Variants in CATSPER1 observed in about 807,000 individuals in gnomAD.
CATSPER1 encodes the protein cation channel sperm-associated protein 1.
A neutral mutation model predicts 72.7 loss-of-function variants in CATSPER1; 57 were observed. The observed-to-expected ratio is 0.78, with a 90% CI of 0.63 to 0.98. The LOEUF (loss-of-function observed/expected upper bound fraction) is 0.98. CATSPER1 is among the 50% of genes least tolerant of loss of function. The pLI is 0.00. For synonymous variants in CATSPER1, 363 were observed against 403.0 expected (o/e 0.90, Z 1.19); for missense variants, 910 against 1,033.9 (o/e 0.88, Z 1.64).
chr11:66,024,331 G>A (rs1045248278), intron 1 of CATSPER1, among the ~76,000 whole-genome samples: 4 of 146,460 alleles, frequency 2.7e-5, no homozygotes, highest in Non-Finnish European at 4.5e-5. Flanking sequence ...CGGCCGGAGT[G>A]CAGTGGCACG....
At chr11:66,016,943 G>C (rs915138993) in intron 11 of CATSPER1, 27 bp from the exon 12 acceptor site, 1 of 1,613,928 alleles carries the variant, frequency 6.2e-7, no homozygotes, top group African/African-American at 1.3e-5. Context: ...GGCACTGGTG[G>C]GTGAATGAGC....
chr11:66,022,718 C>T (rs985199165), intron 2 of CATSPER1, 131 bp downstream of exon 2: 38 of 834,604 alleles, frequency 4.6e-5, no homozygotes, highest in African/African-American at 1.5e-4. Context: ...CTGGGTAAGG[C>T]CATCTACTTC....
Position 66,017,117 on chromosome 11 carries a change from C to T in CATSPER1, c.2259G>A (p.Gln753=). 2 of 1,594,394 alleles carry T rather than the reference C, an allele frequency of 1.3e-6. No homozygotes were observed. The highest frequency in any genetic ancestry group is 1.7e-6 in the Non-Finnish European group (2 of 1,168,146). The stretch of plus-strand genomic sequence containing the variant: ...CGGCTGCCTGGGAGCGGAACTTCTG[C>T]TGCTCCTGCTCCACGCTTGCCACCA... ...LQLVASVEQE[Q]QKFRSQAAVI... The change falls in exon 11 of 12, where the codon CAG becomes CAA. Residue 753 remains glutamine, a synonymous_variant. Coordinates refer to ENST00000312106, the MANE Select transcript of CATSPER1 (RefSeq NM_053054.4).
intron 1 of CATSPER1, among the ~76,000 whole-genome samples, chr11:66,023,310 G>A (rs544376918): frequency 2.6e-5 from 4 of 152,052 alleles, no homozygotes; most frequent in Admixed American, 6.6e-5. Context: ...GGCTGGTCTC[G>A]AACTCCTGGC....
chr11:66,024,276 T>C (rs1287823874), intron 1 of CATSPER1, among the ~76,000 whole-genome samples: 1 of 132,574 alleles, frequency 7.5e-6, no homozygotes, highest in Non-Finnish European at 1.5e-5. Context: ...TATTTGTTTT[T>C]TTTTTTTTTT....
In CATSPER1 at chr11:66,025,879, G is replaced by A; in HGVS notation, c.501C>T (p.Pro167=). Residue 167 remains proline (P), a synonymous_variant, in exon 1 of 12, where the codon CCC becomes CCT. Transcript: ENST00000312106. Reference sequence around the variant, plus strand: ...CATGGTGGGAAGCCTCACCGTGGTGGGGCACGCCAGAGGAATAGTGGGATA... The same window carrying A: ...CATGGTGGGAAGCCTCACCGTGGTGAGGCACGCCAGAGGAATAGTGGGATA... ...ENLSHYSSGV[P]HHGEASHHGG... is the part of the protein sequence containing the mutation. 1 of 1,613,694 alleles carries A rather than the reference G, an allele frequency of 6.2e-7. No homozygotes were observed. The highest frequency in any genetic ancestry group is 8.5e-7 in the Non-Finnish European group (1 of 1,179,912).
rs1329159781 is a variant in CATSPER1 at position 66,018,894 on chromosome 11, C to T, written c.2134G>A (p.Glu712Lys). Reference sequence around the variant, plus strand: ...AGCATGGTGCCTTCACTCGCCACCTCTTTGGGCTCTGGATGTAGAGAAAGA... The same window carrying T: ...AGCATGGTGCCTTCACTCGCCACCTTTTTGGGCTCTGGATGTAGAGAAAGA... ...LTELRAAEPK[E>K]VASEGTMLKR... The change falls in exon 10 of 12, where the codon GAG becomes AAG. Residue 712 changes from glutamate to lysine, a missense_variant. Coordinates refer to ENST00000312106, the MANE Select transcript of CATSPER1 (RefSeq NM_053054.4). The T allele has an allele frequency of 1.4e-5, 22 of 1,613,948 alleles. No homozygotes were observed. The highest frequency in any genetic ancestry group is 1.8e-5 in the Non-Finnish European group (21 of 1,179,906).
chr11:66,025,141 T>TG (rs761012716), intron 1 of CATSPER1, 23 bp downstream of exon 1: 14 of 1,613,974 alleles, frequency 8.7e-6, no homozygotes, highest in Non-Finnish European at 1.1e-5. Context: ...GGAGTTGGCA[T>TG]GGGGGGCCCA....
At position 66,025,594 on chromosome 11, in the gene CATSPER1, GTCAGATA is replaced by G; in HGVS notation, c.779_785del (p.Ile260ThrfsTer73). On this transcript the variant is annotated frameshift_variant, in exon 1 of 12. Transcript: ENST00000312106. LOFTEE classifies it high-confidence loss of function. Reference sequence around the variant, plus strand: ...CACCTTGGTGGTACTCGCTGTGATAGTCAGATATCCCACGCTGGTAGGACCCCACAGA... The same window carrying G: ...CACCTTGGTGGTACTCGCTGTGATAGTCCCACGCTGGTAGGACCCCACAGA... 1 of 1,609,890 alleles carries G rather than the reference GTCAGATA, an allele frequency of 6.2e-7. No homozygotes were observed. Among genetic ancestry groups the G allele is most frequent in the Non-Finnish European group, 8.5e-7 (1 of 1,178,070 alleles).
chr11:66,019,519 C>T (rs1308982400), intron 9 of CATSPER1, among the ~76,000 whole-genome samples: 2 of 152,012 alleles, frequency 1.3e-5, no homozygotes, highest in African/African-American at 4.8e-5. Flanking sequence ...TCAGGTGATC[C>T]GCCCGTCTCA....
chr11:66,020,143 C>G lies in CATSPER1; in HGVS notation c.2122G>C (p.Ala708Pro), dbSNP rs1856324372. Reference sequence around the variant, plus strand: ...CCAGGGCGGGCCAGGCCCATACCTGCAGCTCTGAGCTCCGTCAGTGAGTCT... The same window carrying G: ...CCAGGGCGGGCCAGGCCCATACCTGGAGCTCTGAGCTCCGTCAGTGAGTCT... ...LEDSLTELRA[A>P]EPKEVASEGT... Residue 708 changes from alanine to proline, a missense_variant, in exon 9 of 12, where the codon GCA becomes CCA. Transcript: ENST00000312106. This position sits in a 1 kb window ranked among gnomAD's most constrained non-coding sequence, Gnocchi z 4.5. 5.6e-6 allele frequency: 9 copies of G among 1,613,208 alleles called. No homozygotes were observed. The highest frequency in any genetic ancestry group is 7.6e-6 in the Non-Finnish European group (9 of 1,180,026).
intron 10 of CATSPER1, among the ~76,000 whole-genome samples, chr11:66,017,885 G>A (rs914566577): frequency 5.9e-5 from 9 of 152,140 alleles, no homozygotes; most frequent in East Asian, 3.9e-4. Context: ...TGGAGGCAGC[G>A]TCAATGAGCT....
chr11:66,021,405 G>T (rs953755385), intron 4 of CATSPER1, 91 bp downstream of exon 4: 1 of 1,511,488 alleles, frequency 6.6e-7, no homozygotes, highest in Non-Finnish European at 9.0e-7. Context: ...CCCATCCCTT[G>T]AGCAGGTCAC....
At position 66,018,770 on chromosome 11, in the gene CATSPER1, C is replaced by T. The variant is rs1856291394; in HGVS notation, c.2201+57G>A. 5.1e-6 allele frequency: 8 copies of T among 1,575,110 alleles called. No individual in the cohort carries two copies. In the South Asian group the frequency reaches 8.9e-5, roughly 17 times the overall value. On this transcript the variant is annotated intron_variant, in intron 10 of 11. Transcript: ENST00000312106. ...GTCCCTTTCCCTCCAGCCCTCCAGCCAGGCCCCCAGGCCTCACCCTCAGAC... is the reference window on the plus strand; with the variant it reads ...GTCCCTTTCCCTCCAGCCCTCCAGCTAGGCCCCCAGGCCTCACCCTCAGAC...
intron 2 of CATSPER1, 113 bp downstream of exon 2, chr11:66,022,736 T>C: frequency 2.1e-6 from 2 of 975,356 alleles, no homozygotes; most frequent in Non-Finnish European, 3.2e-6. Flanking sequence ...TTCCCAGGGG[T>C]GAGGATCAAG....
rs1590682437 is a variant in CATSPER1, at chr11:66,020,962, T to C, written c.1784-8A>G. 2 of 1,613,698 alleles carry C rather than the reference T, an allele frequency of 1.2e-6. No homozygotes were observed. Among genetic ancestry groups the C allele is most frequent in the Non-Finnish European group, 1.7e-6 (2 of 1,179,994 alleles). On this transcript the variant is annotated splice_polypyrimidine_tract_variant and splice_region_variant and intron_variant, in intron 5 of 11. Coordinates refer to ENST00000312106, the MANE Select transcript of CATSPER1 (RefSeq NM_053054.4). This position sits in a 1 kb window ranked among gnomAD's most constrained non-coding sequence, Gnocchi z 4.5. ...GGACCGCGGAGAAGAGGACTGGCTG[T>C]TCAGGGCCAAACTCAGCTCTCCAGT... is the stretch of plus-strand genomic sequence containing the variant.
rs1856479461 is a variant in CATSPER1 at position 66,025,498 on chromosome 11, G to T, written c.882C>A (p.His294Gln). ...HHTQHHYHQTHRHRDYHQHQD... is the reference protein window; with the variant it reads ...HHTQHHYHQTQRHRDYHQHQD... ...GGTGCTGATGGTAGTCTCGGTGCCG[G>T]TGGGTCTGGTGGTAGTGGTGCTGTG... The change falls in exon 1 of 12, where the codon CAC (histidine) becomes CAA (glutamine). Residue 294 changes from histidine (H) to glutamine (Q), a missense_variant. Transcript: ENST00000312106. 1 of 1,608,844 alleles carries T rather than the reference G, an allele frequency of 6.2e-7. No individual in the cohort carries two copies. Among genetic ancestry groups the T allele is most frequent in the Non-Finnish European group, 8.5e-7 (1 of 1,178,088 alleles).
At position 66,020,684 on chromosome 11, in the gene CATSPER1, A is replaced by C. The variant is rs1590682053; in HGVS notation, c.1928-57T>G. The C allele has an allele frequency of 1.3e-6, 2 of 1,595,856 alleles. No individual in the cohort carries two copies. The highest frequency in any genetic ancestry group is 2.7e-5 in the African/African-American group (2 of 74,560). On this transcript the variant is annotated intron_variant, in intron 6 of 11. Coordinates refer to ENST00000312106, the MANE Select transcript of CATSPER1 (RefSeq NM_053054.4). The surrounding 1 kb of genome is among the most constrained non-coding windows in gnomAD (Gnocchi z 4.5). ...GCTGTGCTCGCCACCCCCAACCACGACCTGCTCCCTTCCCATACCCGGACA... is the reference window on the plus strand; with the variant it reads ...GCTGTGCTCGCCACCCCCAACCACGCCCTGCTCCCTTCCCATACCCGGACA...
Position 66,020,806 on chromosome 11 carries a change from C to T in CATSPER1, c.1927+5G>A. 6.2e-7 allele frequency: 1 copy of T among 1,613,746 alleles called. No individual in the cohort carries two copies. Among genetic ancestry groups the T allele is most frequent in the African/African-American group, 1.3e-5 (1 of 75,018 alleles). On this transcript the variant is annotated splice_donor_5th_base_variant and intron_variant, in intron 6 of 11. Transcript: ENST00000312106. The surrounding 1 kb of genome is among the most constrained non-coding windows in gnomAD (Gnocchi z 4.5). ...GCCCTCCCTGCAGCCTGGGGCCTGC[C>T]CTACCCTGGGCACGGCTGTCCATGT...
Sources: allele counts gnomAD v4.1 joint callset (sites outside exome capture counted in the v4.1 genomes callset), GRCh38; gene constraint gnomAD v4.1.1; non-coding constraint Gnocchi (gnomAD v3.1); transcripts MANE v1.5; gene names NCBI Gene and HGNC (gene_info 2026-07-23, HGNC 2026-07-21).